Variants in ARMC8 observed in about 807,000 individuals in gnomAD.
ARMC8 encodes armadillo repeat-containing protein 8.
A neutral mutation model predicts 99.3 loss-of-function variants in ARMC8; 20 were observed. That is an observed-to-expected ratio of 0.20 (90% CI 0.14 to 0.29). The LOEUF (loss-of-function observed/expected upper bound fraction) is 0.29. Ranked by LOEUF, ARMC8 falls within the 10% of genes least tolerant of loss-of-function variation. The pLI is 1.00. For synonymous variants in ARMC8, 263 were observed against 278.3 expected, an observed-to-expected ratio of 0.95 and a Z score of 0.55; for missense variants, 569 against 809.5, an observed-to-expected ratio of 0.70 and a Z score of 3.60.
At chr3:138,267,839 T>A (rs1335431692) in intron 15 of ARMC8, among the ~76,000 whole-genome samples, 15 of 152,340 alleles carry the variant, frequency 9.8e-5, no homozygotes, top group Non-Finnish European at 2.2e-4. Flanking sequence ...TCTGCCCAAT[T>A]ATGAACTCAG....
chr3:138,211,188 C>G (rs2044675998), intron 2 of ARMC8, among the ~76,000 whole-genome samples: 1 of 152,172 alleles, frequency 6.6e-6, no homozygotes, highest in South Asian at 2.1e-4. Context: ...ACTTAACACT[C>G]TTCCTTAGAC....
At chr3:138,283,013 C>T (rs1029403669) in intron 18 of ARMC8, among the ~76,000 whole-genome samples, 1 of 152,194 alleles carries the variant, frequency 6.6e-6, no homozygotes, top group Non-Finnish European at 1.5e-5. Flanking sequence ...ATGTCTGTCC[C>T]ACTTCTTGGG....
intron 1 of ARMC8, among the ~76,000 whole-genome samples, chr3:138,205,117 G>T (rs2108007191): frequency 7.9e-6 from 1 of 126,574 alleles, no homozygotes; most frequent in East Asian, 2.4e-4. Flanking sequence ...CACCCAGGCT[G>T]GAGTGCAGTG....
intron 7 of ARMC8, 123 bp downstream of exon 7, chr3:138,235,237 G>A (rs1311477370): frequency 1.2e-5 from 7 of 580,070 alleles, no homozygotes; most frequent in Admixed American, 6.9e-5. Flanking sequence ...TCAGTAAAAT[G>A]TTATAGGGCA....
intron 2 of ARMC8, among the ~76,000 whole-genome samples, chr3:138,211,614 A>G (rs1189145407): frequency 1.3e-5 from 2 of 152,226 alleles, no homozygotes; most frequent in Non-Finnish European, 2.9e-5. Context: ...ACATAAAGAA[A>G]TGTTTGTGTG....
Position 138,295,762 on chromosome 3 carries a change from T to C in ARMC8, c.1989-97T>C, listed in dbSNP as rs1313820090. 5.6e-6 allele frequency: 8 copies of C among 1,426,136 alleles called. 1 individual carries two copies. In the South Asian group the frequency reaches 8.6e-5, roughly 15 times the overall value. 88.3% of individuals were successfully genotyped at this position (1,426,136 alleles called of 1,614,324 possible). A position where few individuals can be genotyped will look rare whatever the true frequency, so the allele number is the denominator to read the frequency against. Reference sequence around the variant, plus strand: ...ACCCCAATTCCCTCTGGAGATTTACTTTTTTAGACTTCCCCAGCTATCATC... The same window carrying C: ...ACCCCAATTCCCTCTGGAGATTTACCTTTTTAGACTTCCCCAGCTATCATC... On this transcript the variant is annotated intron_variant, in intron 21 of 21. Transcript: ENST00000469044.
intron 2 of ARMC8, among the ~76,000 whole-genome samples, chr3:138,214,635 C>T (rs754292730): frequency 1.6e-4 from 24 of 152,112 alleles, no homozygotes; most frequent in Non-Finnish European, 2.8e-4. Context: ...TAAAAAATTT[C>T]TTCTCCTAAT....
intron 1 of ARMC8, among the ~76,000 whole-genome samples, chr3:138,195,642 T>G (rs907412145): frequency 6.6e-6 from 1 of 152,202 alleles, no homozygotes; most frequent in Non-Finnish European, 1.5e-5. Flanking sequence ...GGCATTTGTT[T>G]TGCAGTACCA....
At chr3:138,284,742 G>A (rs1369406892) in intron 19 of ARMC8, among the ~76,000 whole-genome samples, 3 of 152,062 alleles carry the variant, frequency 2.0e-5, no homozygotes, top group Non-Finnish European at 2.9e-5. Flanking sequence ...CCTGCCAGTC[G>A]ACTCCCTGCC....
chr3:138,246,486 A>T (rs2046887589), intron 12 of ARMC8: 1 of 985,366 alleles, frequency 1.0e-6, no homozygotes, highest in African/African-American at 1.7e-5. Context: ...CTTTTATAAC[A>T]ATAGATTTGA....
At chr3:138,194,657 T>G (rs2043608211) in intron 1 of ARMC8, among the ~76,000 whole-genome samples, 3 of 151,832 alleles carry the variant, frequency 2.0e-5, no homozygotes, top group Admixed American at 2.0e-4. Context: ...TTTTTTTTTT[T>G]GAAAAATAGC....
At chr3:138,203,103 C>T (rs1485043801) in intron 1 of ARMC8, among the ~76,000 whole-genome samples, 1 of 152,150 alleles carries the variant, frequency 6.6e-6, no homozygotes, top group Non-Finnish European at 1.5e-5. Flanking sequence ...AGTTTTTCTG[C>T]TTTTCTTTTG....
At chr3:138,203,276 C>T (rs1160742689) in intron 1 of ARMC8, among the ~76,000 whole-genome samples, 1 of 152,162 alleles carries the variant, frequency 6.6e-6, no homozygotes, top group African/African-American at 2.4e-5. Context: ...TATAAGTTAC[C>T]TATTGCTGTG....
intron 16 of ARMC8, among the ~76,000 whole-genome samples, chr3:138,272,192 A>G (rs1478975498): frequency 6.6e-6 from 1 of 152,144 alleles, no homozygotes; most frequent in Non-Finnish European, 1.5e-5. Flanking sequence ...CCATGCCAAC[A>G]CCTACCATAG....
At chr3:138,201,611 G>A (rs1162451533) in intron 1 of ARMC8, among the ~76,000 whole-genome samples, 1 of 151,524 alleles carries the variant, frequency 6.6e-6, no homozygotes, top group South Asian at 2.1e-4. Context: ...ACAGGCACAC[G>A]CCACCACACC....
At chr3:138,248,389 T>C (rs1022334746) in intron 12 of ARMC8, among the ~76,000 whole-genome samples, 2 of 152,302 alleles carry the variant, frequency 1.3e-5, no homozygotes, top group African/African-American at 2.4e-5. Context: ...ATGACAGCAA[T>C]GCCAAGTAAA....
chr3:138,200,067 G>C (rs138722194), intron 1 of ARMC8, among the ~76,000 whole-genome samples: 1 of 152,086 alleles, frequency 6.6e-6, no homozygotes, highest in South Asian at 2.1e-4. Context: ...TAGATATTTT[G>C]TGGCACTTTT....
intron 1 of ARMC8, among the ~76,000 whole-genome samples, chr3:138,189,280 T>C (rs2043242910): frequency 6.6e-6 from 1 of 152,094 alleles, no homozygotes; most frequent in African/African-American, 2.4e-5. Flanking sequence ...TTAGGGGCTT[T>C]TTTTTTTCTT....
At chr3:138,229,548 A>T (rs2045931317) in intron 6 of ARMC8, among the ~76,000 whole-genome samples, 1 of 152,096 alleles carries the variant, frequency 6.6e-6, no homozygotes, top group Admixed American at 6.5e-5. Context: ...TTAAATAAAG[A>T]TTATACCACT....
Sources: gnomAD v4.1 joint callset for allele counts (sites outside exome capture counted in the v4.1 genomes callset) on GRCh38, gnomAD v4.1.1 for gene constraint, MANE v1.5 for transcripts, NCBI Gene and HGNC (gene_info 2026-07-23, HGNC 2026-07-21) for gene names.